AFG2A: variants seen among roughly 807,000 people sequenced by gnomAD.
AFG2A encodes AAA ATPase AFG2A.
the AFG2A span, among the ~76,000 whole-genome samples, chr4:123,124,748 T>C: frequency 6.6e-6 from 1 of 152,212 alleles, no homozygotes; most frequent in Admixed American, 6.5e-5. Context: ...ATTATGAAGT[T>C]TTTTAAAACT....
At chr4:123,195,115 T>C in the AFG2A span, among the ~76,000 whole-genome samples, 1 of 152,172 alleles carries the variant, frequency 6.6e-6, no homozygotes, top group African/African-American at 2.4e-5. Flanking sequence ...CATATTTCTC[T>C]CATCACTAAG....
the AFG2A span, chr4:122,938,326 G>C: frequency 1.5e-6 from 2 of 1,327,206 alleles, no homozygotes; most frequent in Non-Finnish European, 2.0e-6. Flanking sequence ...ACTATTGAAT[G>C]TGTCAGAGTC....
At chr4:123,051,593 A>G in the AFG2A span, among the ~76,000 whole-genome samples, 3 of 139,654 alleles carry the variant, frequency 2.1e-5, no homozygotes, top group Admixed American at 7.1e-5. Context: ...AAGAACTCTG[A>G]TTAGCCTTTT....
the AFG2A span, chr4:122,947,265 G>C: frequency 1.2e-6 from 2 of 1,610,148 alleles, no homozygotes; most frequent in Non-Finnish European, 1.7e-6. Context: ...TGGTTCTTGG[G>C]GCCACAAATC....
chr4:123,266,795 C>G, the AFG2A span, among the ~76,000 whole-genome samples: 1 of 151,816 alleles, frequency 6.6e-6, no homozygotes, highest in Admixed American at 6.6e-5. Flanking sequence ...TTGCTACTTT[C>G]TCACCTATAG....
chr4:123,295,192 C>T, the AFG2A span, among the ~76,000 whole-genome samples: 1 of 152,072 alleles, frequency 6.6e-6, no homozygotes, highest in African/African-American at 2.4e-5. Flanking sequence ...CAGGTCAGTT[C>T]GATAGCATGA....
the AFG2A span, among the ~76,000 whole-genome samples, chr4:123,175,071 G>C: frequency 1.3e-5 from 2 of 151,952 alleles, no homozygotes; most frequent in African/African-American, 4.8e-5. Context: ...AAGCCATCAT[G>C]CCCAGCCTAT....
the AFG2A span, among the ~76,000 whole-genome samples, chr4:122,938,455 G>T: frequency 1.3e-5 from 2 of 152,058 alleles, no homozygotes; most frequent in African/African-American, 4.8e-5. Flanking sequence ...TAACCTGGCA[G>T]GTTTTTTCTA....
the AFG2A span, among the ~76,000 whole-genome samples, chr4:123,297,399 A>T: frequency 1.3e-5 from 2 of 152,186 alleles, no homozygotes; most frequent in African/African-American, 4.8e-5. Flanking sequence ...TGTTACCTAG[A>T]CTACTAATGA....
At chr4:122,961,252 T>C in the AFG2A span, among the ~76,000 whole-genome samples, 2 of 152,246 alleles carry the variant, frequency 1.3e-5, no homozygotes, top group African/African-American at 4.8e-5. Context: ...AAAATTGATA[T>C]TTAAACATTT....
At chr4:123,046,416 T>A in the AFG2A span, among the ~76,000 whole-genome samples, 1 of 152,222 alleles carries the variant, frequency 6.6e-6, no homozygotes, top group Non-Finnish European at 1.5e-5. Context: ...GTTCAATATA[T>A]GTTAGTACTT....
the AFG2A span, among the ~76,000 whole-genome samples, chr4:123,140,364 C>T: frequency 6.6e-6 from 1 of 152,078 alleles, no homozygotes; most frequent in Admixed American, 6.5e-5. Context: ...CTTTTACTTA[C>T]ATTCCAACAT....
At chr4:123,290,362 T>C in the AFG2A span, among the ~76,000 whole-genome samples, 1 of 152,330 alleles carries the variant, frequency 6.6e-6, no homozygotes, top group South Asian at 2.1e-4. Context: ...CCATCTTGAG[T>C]TCTTTTTTTA....
At chr4:123,024,895 G>T in the AFG2A span, among the ~76,000 whole-genome samples, 6 of 152,140 alleles carry the variant, frequency 3.9e-5, no homozygotes, top group Admixed American at 3.3e-4. Context: ...TGGCAGACAG[G>T]CTCCTGGTCC....
the AFG2A span, among the ~76,000 whole-genome samples, chr4:123,253,200 G>A: frequency 2.6e-5 from 4 of 152,136 alleles, no homozygotes; most frequent in African/African-American, 7.2e-5. Context: ...GAAATAGCTG[G>A]GGCTGGGCAC....
chr4:122,991,702 G>T, the AFG2A span, among the ~76,000 whole-genome samples: 124 of 152,252 alleles, frequency 8.1e-4, 1 homozygote, highest in African/African-American at 2.7e-3. Context: ...GGTAGCTTAG[G>T]TTACTTAGTG....
chr4:123,052,763 A>G, the AFG2A span, among the ~76,000 whole-genome samples: 5 of 152,208 alleles, frequency 3.3e-5, no homozygotes, highest in Non-Finnish European at 4.4e-5. Context: ...TCACATGATC[A>G]CAAGTGAAAA....
At chr4:123,082,568 C>A in the AFG2A span, among the ~76,000 whole-genome samples, 1 of 137,736 alleles carries the variant, frequency 7.3e-6, no homozygotes, top group Admixed American at 7.9e-5. Flanking sequence ...TGATTACTGT[C>A]GCTTTATAGG....
chr4:123,000,568 G>GT, the AFG2A span, among the ~76,000 whole-genome samples: 1 of 145,894 alleles, frequency 6.9e-6, no homozygotes, highest in African/African-American at 2.5e-5. Flanking sequence ...TAATCATGTG[G>GT]TTTTTGTCTT....
Sources: allele counts gnomAD v4.1 joint callset (sites outside exome capture counted in the v4.1 genomes callset), GRCh38; gene constraint gnomAD v4.1.1; transcripts MANE v1.5; gene names NCBI Gene and HGNC (gene_info 2026-07-23, HGNC 2026-07-21).